NEK7: variants seen among roughly 807,000 people sequenced by gnomAD.
NEK7 encodes serine/threonine-protein kinase Nek7.
Under a neutral mutation model 44.6 loss-of-function variants are expected in NEK7, and 18 were observed. That is an observed-to-expected ratio of 0.40 (90% confidence interval 0.28 to 0.60). The LOEUF (loss-of-function observed/expected upper bound fraction) is 0.60, where lower values mean the gene tolerates loss of function less well. Among genes scored for constraint, NEK7 ranks in the 20% least tolerant of loss-of-function variants. The pLI is 0.38. For synonymous variants in NEK7, 130 were observed against 121.1 expected (o/e 1.07, Z -0.48); for missense variants, 256 against 366.5 (o/e 0.70, Z 2.46).
At chr1:198,285,958 G>A (rs1231824659) in intron 7 of NEK7, among the ~76,000 whole-genome samples, 1 of 152,072 alleles carries the variant, frequency 6.6e-6, no homozygotes, top group Non-Finnish European at 1.5e-5. Flanking sequence ...TTTCTAAATT[G>A]GAAAATTCTA....
At chr1:198,160,583 G>C (rs16842469) in intron 1 of NEK7, among the ~76,000 whole-genome samples, 6,814 of 152,132 alleles carry the variant, frequency 0.045, 569 homozygotes, top group African/African-American at 0.16. Flanking sequence ...TGTTTGCTCC[G>C]AATTGTTTTA....
chr1:198,202,455 C>T (rs942893893), intron 1 of NEK7, among the ~76,000 whole-genome samples: 54 of 152,320 alleles, frequency 3.5e-4, no homozygotes, highest in African/African-American at 1.1e-3. Flanking sequence ...GCTGTATGCA[C>T]AGCCTCTCAG....
At chr1:198,212,466 T>G (rs543096275) in intron 1 of NEK7, among the ~76,000 whole-genome samples, 10 of 152,140 alleles carry the variant, frequency 6.6e-5, no homozygotes, top group Non-Finnish European at 1.3e-4. Flanking sequence ...TAATCCCCAC[T>G]CCCAATGGGG....
intron 7 of NEK7, among the ~76,000 whole-genome samples, chr1:198,290,290 TA>T (rs1477207699): frequency 6.6e-6 from 1 of 152,172 alleles, no homozygotes; most frequent in Non-Finnish European, 1.5e-5. Context: ...GTACAGCTGT[TA>T]AAAGAAGTCA....
At chr1:198,264,902 G>T (rs918354184) in intron 5 of NEK7, among the ~76,000 whole-genome samples, 1 of 152,004 alleles carries the variant, frequency 6.6e-6, no homozygotes. Flanking sequence ...TTATAGGATT[G>T]TTGTAATGAT....
intron 1 of NEK7, among the ~76,000 whole-genome samples, chr1:198,200,752 T>C (rs1427157135): frequency 6.6e-6 from 1 of 152,076 alleles, no homozygotes; most frequent in African/African-American, 2.4e-5. Context: ...GGTTTCACCA[T>C]ATTGGCCAGG....
intron 1 of NEK7, among the ~76,000 whole-genome samples, chr1:198,231,867 A>C (rs576633994): frequency 6.6e-6 from 1 of 152,136 alleles, no homozygotes; most frequent in East Asian, 1.9e-4. Flanking sequence ...GATTTTGGTC[A>C]TAAAATAATA....
chr1:198,317,884 T>TTTA (rs1339224620), intron 9 of NEK7, among the ~76,000 whole-genome samples: 205 of 143,386 alleles, frequency 1.4e-3, no homozygotes, highest in Non-Finnish European at 2.2e-3. Context: ...TTTATTTTTT[T>TTTA]TTTTTTTTTT....
chr1:198,286,995 G>A (rs1271422924), intron 7 of NEK7, among the ~76,000 whole-genome samples: 1 of 152,118 alleles, frequency 6.6e-6, no homozygotes, highest in Non-Finnish European at 1.5e-5. Flanking sequence ...CAACCTTTAT[G>A]GCTGCAAAGT....
intron 4 of NEK7, among the ~76,000 whole-genome samples, chr1:198,263,276 G>A (rs1375092813): frequency 4.0e-5 from 6 of 151,832 alleles, no homozygotes; most frequent in Non-Finnish European, 4.4e-5. Flanking sequence ...AAATGAACCA[G>A]ATTTATGCAA....
At position 198,253,054 on chromosome 1, in the gene NEK7, G is replaced by A. The variant is rs142317187; in HGVS notation, c.72G>A (p.Pro24=). ...PQFQPQKALR[P]DMGYNTLANF... Reference sequence around the variant, plus strand: ...TTTAATTACAGAAGGCCTTACGACCGGATATGGGCTATAATACATTAGCCA... The same window carrying A: ...TTTAATTACAGAAGGCCTTACGACCAGATATGGGCTATAATACATTAGCCA... The change falls in exon 3 of 10, where the codon CCG becomes CCA. Residue 24 remains proline (P), a synonymous_variant. Transcript: ENST00000367385. 1.3e-4 allele frequency: 215 copies of A among 1,605,872 alleles called. No homozygotes were observed. The highest frequency in any genetic ancestry group is 1.7e-4 in the Non-Finnish European group (199 of 1,176,126).
intron 4 of NEK7, among the ~76,000 whole-genome samples, chr1:198,263,745 C>A (rs2102949654): frequency 6.6e-6 from 1 of 151,898 alleles, no homozygotes. Context: ...AAAAGGGATA[C>A]TTTATTTATC....
intron 1 of NEK7, among the ~76,000 whole-genome samples, chr1:198,224,495 C>G (rs1666154527): frequency 6.6e-6 from 1 of 152,136 alleles, no homozygotes; most frequent in African/African-American, 2.4e-5. Context: ...CACATGTCCT[C>G]TTCGTTGAGC....
intron 1 of NEK7, among the ~76,000 whole-genome samples, chr1:198,176,310 G>A (rs1232252490): frequency 2.6e-5 from 4 of 152,104 alleles, no homozygotes; most frequent in Non-Finnish European, 4.4e-5. Flanking sequence ...CTTAAAATAC[G>A]TATTTTAAAA....
chr1:198,314,141 C>T (rs926071275), intron 9 of NEK7, among the ~76,000 whole-genome samples: 32 of 152,208 alleles, frequency 2.1e-4, no homozygotes, highest in African/African-American at 7.2e-4. Flanking sequence ...TCTTTTTATT[C>T]TTTTTTCTCT....
chr1:198,200,232 AT>A (rs1665385753), intron 1 of NEK7, among the ~76,000 whole-genome samples: 1 of 152,184 alleles, frequency 6.6e-6, no homozygotes, highest in Admixed American at 6.5e-5. Flanking sequence ...TATAGAGCAT[AT>A]TAATCATAAT....
chr1:198,242,913 G>T (rs949215874), intron 2 of NEK7, among the ~76,000 whole-genome samples: 2 of 148,656 alleles, frequency 1.3e-5, no homozygotes, highest in Admixed American at 6.8e-5. Flanking sequence ...CAAGTGATCC[G>T]CCTGCCTTGG....
chr1:198,275,784 G>C (rs1654000336), intron 5 of NEK7, among the ~76,000 whole-genome samples: 1 of 151,062 alleles, frequency 6.6e-6, no homozygotes, highest in African/African-American at 2.4e-5. Flanking sequence ...ATAGCCAACA[G>C]TGCCACCATC....
At chr1:198,317,687 A>G (rs1655408761) in intron 9 of NEK7, among the ~76,000 whole-genome samples, 1 of 152,042 alleles carries the variant, frequency 6.6e-6, no homozygotes, top group Non-Finnish European at 1.5e-5. Context: ...ATTTTAGCTA[A>G]ATATAATGAA....
Sources: allele counts gnomAD v4.1 joint callset (sites outside exome capture counted in the v4.1 genomes callset), GRCh38; gene constraint gnomAD v4.1.1; transcripts MANE v1.5; gene names NCBI Gene and HGNC (gene_info 2026-07-23, HGNC 2026-07-21).